The following CLCN2 variants were observed in gnomAD, a reference collection of about 807,000 sequenced individuals.
CLCN2 encodes chloride voltage-gated channel 2.
A neutral mutation model predicts 108.3 loss-of-function variants in CLCN2; 72 were observed. The ratio of observed to expected loss-of-function variants is 0.66; its 90% CI spans 0.55 to 0.81. CLCN2 has a LOEUF of 0.81. Among genes scored for constraint, CLCN2 ranks in the 30% least tolerant of loss-of-function variants. The probability of loss-of-function intolerance (pLI) is 0.00; values close to 1 mark genes in which losing one functional copy is unlikely to be tolerated. For synonymous variants in CLCN2, 471 were observed against 467.1 expected, an observed-to-expected ratio of 1.01 and a Z score of -0.11; for missense variants, 1,048 against 1,205.2, an observed-to-expected ratio of 0.87 and a Z score of 1.93.
rs1711561211 is a variant in CLCN2, at chr3:184,358,410, A to G, written c.353-100T>C. 6.5e-6 allele frequency: 10 copies of G among 1,547,470 alleles called. No individual in the cohort carries two copies. In the South Asian group the frequency reaches 1.1e-4, roughly 17 times the overall value. On this transcript the variant is annotated intron_variant, in intron 3 of 23. Transcript: ENST00000265593. ...GACAGGCTGTCCCAGGGAGTACCAC[A>G]CAGAGTCAGGGCATGGGTGAAGGAA...
chr3:184,346,609 T>A lies in CLCN2; in HGVS notation c.2694A>T (p.Gln898His). 2 of 1,613,994 alleles carry A rather than the reference T, an allele frequency of 1.2e-6. No individual in the cohort carries two copies. Among genetic ancestry groups the A allele is most frequent in the African/African-American group, 1.3e-5 (1 of 75,056 alleles). Reference protein sequence around the residue: ...GSPSDSDDKCQ With the variant: ...GSPSDSDDKCH ...TCCTAGGCCACCCACGAGGGGCTCATTGGCATTTGTCGTCGCTGTCGGAAG... is the reference window on the plus strand; with the variant it reads ...TCCTAGGCCACCCACGAGGGGCTCAATGGCATTTGTCGTCGCTGTCGGAAG... The change falls in exon 24 of 24, where the codon CAA (glutamine) becomes CAT (histidine). Residue 898 changes from glutamine (Q) to histidine (H), a missense_variant. Transcript: ENST00000265593. This position sits in a 1 kb window ranked among gnomAD's most constrained non-coding sequence, Gnocchi z 6.0.
chr3:184,358,062 C>G lies in CLCN2; in HGVS notation c.515G>C (p.Arg172Pro). 6.2e-7 allele frequency: 1 copy of G among 1,614,116 alleles called. No homozygotes were observed. Among genetic ancestry groups the G allele is most frequent in the South Asian group, 1.1e-5 (1 of 91,088 alleles). ...SGIPEMKTIL[R>P]GVVLKEYLTL... is the part of the protein sequence containing the mutation. The stretch of plus-strand genomic sequence containing the variant: ...GAGGTATTCTTTCAGCACCACTCCC[C>G]GCAAGATGGTCTTCATCTCAGGGAT... The change falls in exon 5 of 24, where the codon CGG becomes CCG. Residue 172 changes from arginine to proline, a missense_variant. By Grantham distance (103) the Arg-to-Pro change is moderately radical. Coordinates refer to ENST00000265593, the MANE Select transcript of CLCN2 (RefSeq NM_004366.6).
intron 1 of CLCN2, among the ~76,000 whole-genome samples, chr3:184,360,028 TGA>T (rs1711803667): frequency 7.1e-6 from 1 of 140,858 alleles, no homozygotes; most frequent in African/African-American, 2.7e-5. Context: ...AGAGAGAGGG[TGA>T]GAGATAGGAA....
In CLCN2 at chr3:184,361,356, AG is replaced by A. The variant is rs1240135931; in HGVS notation, c.63+60del. On this transcript the variant is annotated intron_variant, in intron 1 of 23. Coordinates refer to ENST00000265593, the MANE Select transcript of CLCN2 (RefSeq NM_004366.6). The surrounding 1 kb of genome is among the most constrained non-coding windows in gnomAD (Gnocchi z 6.6). ...TAGGCCCCTGGTCCTCGCGCTTCCC[AG>A]GGTAACCTGGAGCAGGGGTCCCGGA... 1 of 1,564,370 alleles carries A rather than the reference AG, an allele frequency of 6.4e-7. No homozygotes were observed. Among genetic ancestry groups the A allele is most frequent in the African/African-American group, 1.4e-5 (1 of 73,920 alleles).
In CLCN2 at chr3:184,354,140, T is replaced by A. The variant is rs1728347153; in HGVS notation, c.1682A>T (p.Lys561Ile). Residue 561 changes from lysine (K) to isoleucine (I), a missense_variant, in exon 15 of 24, where the codon AAA (lysine) becomes ATA (isoleucine). By Grantham distance (102) the Lys-to-Ile change is moderately radical. Transcript: ENST00000265593. ...GCCGAGCTCAGGCAGGTAGGGCAGT[T>A]TCTTGATTCGGATGATGCTGTCATA... ...SLYDSIIRIKKLPYLPELGWG... is the reference protein window; with the variant it reads ...SLYDSIIRIKILPYLPELGWG... The A allele has an allele frequency of 6.2e-7, 1 of 1,612,568 alleles. No individual in the cohort carries two copies.
At chr3:184,352,187 C>G in intron 21 of CLCN2, 70 bp from the exon 22 acceptor site, 2 of 1,593,002 alleles carry the variant, frequency 1.3e-6, no homozygotes, top group Non-Finnish European at 1.7e-6. Context: ...TGAAAGCTGG[C>G]CTGCCCTTTT....
intron 15 of CLCN2, 59 bp downstream of exon 15, chr3:184,354,042 G>A: frequency 6.5e-7 from 1 of 1,545,040 alleles, no homozygotes; most frequent in South Asian, 1.1e-5. Context: ...GGCTGTAGGG[G>A]GATCTAGGAT....
At chr3:184,353,983 AAG>A in intron 15 of CLCN2, 116 bp downstream of exon 15, 5 of 1,352,126 alleles carry the variant, frequency 3.7e-6, no homozygotes, top group Non-Finnish European at 5.2e-6. Flanking sequence ...AGTGTGGACG[AAG>A]GTGGCTCATC....
rs2108552937 is a variant in CLCN2, at chr3:184,346,857, T to G, written c.2503-57A>C. 6.2e-7 allele frequency: 1 copy of G among 1,612,534 alleles called. No individual in the cohort carries two copies. The highest frequency in any genetic ancestry group is 2.2e-5 in the East Asian group (1 of 44,856). On this transcript the variant is annotated intron_variant, in intron 23 of 23. Coordinates refer to ENST00000265593, the MANE Select transcript of CLCN2 (RefSeq NM_004366.6). The surrounding 1 kb of genome is among the most constrained non-coding windows in gnomAD (Gnocchi z 6.0). ...CCAGATGTCAGACTCCTCCCCGCCT[T>G]CCTCCCCAGGTGAGCTGGACATAAG...
chr3:184,349,017 A>AT (rs1442131461), intron 22 of CLCN2: 1 of 152,150 alleles, frequency 6.6e-6, no homozygotes, highest in Non-Finnish European at 1.5e-5. Context: ...TAGAAGGCCC[A>AT]TGAGACCCTT....
Position 184,346,897 on chromosome 3 carries a change from T to TGGAAGTG in CLCN2, c.2502+31_2502+37dup. 6.2e-7 allele frequency: 1 copy of TGGAAGTG among 1,611,622 alleles called. No individual in the cohort carries two copies. Among genetic ancestry groups the TGGAAGTG allele is most frequent in the Non-Finnish European group, 8.5e-7 (1 of 1,177,686 alleles). On this transcript the variant is annotated intron_variant, in intron 23 of 23. Coordinates refer to ENST00000265593, the MANE Select transcript of CLCN2 (RefSeq NM_004366.6). The surrounding 1 kb of genome is among the most constrained non-coding windows in gnomAD (Gnocchi z 6.0). ...CTGGACATAAGCCTCCATGACTTTT[T>TGGAAGTG]GGAAGTGGAGCAGCTTTGGAGGCCA...
rs749821414 is a variant in CLCN2, at chr3:184,358,231, G to A, written c.432C>T (p.Leu144=). 4 of 1,614,070 alleles carry A rather than the reference G, an allele frequency of 2.5e-6. No homozygotes were observed. In the African/African-American group the frequency reaches 4.0e-5, roughly 16 times the overall value. Residue 144 remains leucine (L), a synonymous_variant, in exon 4 of 24, where the codon CTC becomes CTT. Transcript: ENST00000265593. ...GTGTGAATCCGGCTGAGAAAGTGAT[G>A]AGGACAACAGGGTAGGTGACCCAGG... The part of the protein sequence containing the change: ...YLAWVTYPVV[L]ITFSAGFTQI...
intron 3 of CLCN2, 69 bp downstream of exon 3, chr3:184,358,613 T>C (rs952698522): frequency 1.3e-6 from 2 of 1,539,738 alleles, no homozygotes; most frequent in African/African-American, 2.7e-5. Context: ...TTCCTCCATG[T>C]CTAGACGAGT....
chr3:184,352,531 G>A (rs1462043399), intron 19 of CLCN2, 35 bp from the exon 20 acceptor site: 2 of 1,606,830 alleles, frequency 1.2e-6, no homozygotes, highest in African/African-American at 1.3e-5. Flanking sequence ...AGAAAGATGA[G>A]GAGTTGAGGT....
intron 15 of CLCN2, 145 bp downstream of exon 15, chr3:184,353,956 A>T: frequency 2.2e-6 from 3 of 1,338,590 alleles, no homozygotes; most frequent in South Asian, 1.3e-5. Context: ...AGCAGGGGCC[A>T]GCTACAGCCC....
At chr3:184,353,547 A>C in intron 16 of CLCN2, 115 bp downstream of exon 16, 4 of 1,555,270 alleles carry the variant, frequency 2.6e-6, no homozygotes, top group Non-Finnish European at 3.5e-6. Context: ...CCCACCTGGC[A>C]AGTGCTGGTC....
chr3:184,352,569 T>C, intron 19 of CLCN2, 73 bp from the exon 20 acceptor site: 1 of 1,529,612 alleles, frequency 6.5e-7, no homozygotes. Flanking sequence ...TGAGGGGAAG[T>C]GGTGGAGCCC....
rs143751880 is a variant in CLCN2, at chr3:184,357,673, A to G, written c.719T>C (p.Leu240Pro). The stretch of plus-strand genomic sequence containing the variant: ...CACCCCCACGGCACAGGCGGCAGCC[A>G]GCATCTCTGTGTTCCGGGATTCATT... ...YENESRNTEMLAAACAVGVGC... is the reference protein window; with the variant it reads ...YENESRNTEMPAAACAVGVGC... The change falls in exon 7 of 24, where the codon CTG (leucine) becomes CCG (proline). Residue 240 changes from leucine (L) to proline (P), a missense_variant. Coordinates refer to ENST00000265593, the MANE Select transcript of CLCN2 (RefSeq NM_004366.6). 2.6e-4 allele frequency: 416 copies of G among 1,613,968 alleles called. No homozygotes were observed. The highest frequency in any genetic ancestry group is 3.3e-4 in the Non-Finnish European group (394 of 1,180,038).
In CLCN2 at chr3:184,355,757, C is replaced by T; in HGVS notation, c.1107G>A (p.Leu369=). ...TCAGCGTGGAGATGAGCAGGGTCAC[C>T]AGAGCCGGGAAGAGCAGGCGTCTAG... ...LMRKRLLFPA[L]VTLLISTLTF... Residue 369 remains leucine, a synonymous_variant, in exon 11 of 24, where the codon CTG becomes CTA. Transcript: ENST00000265593. The surrounding 1 kb of genome is among the most constrained non-coding windows in gnomAD (Gnocchi z 6.3). The T allele has an allele frequency of 1.2e-6, 2 of 1,614,160 alleles. No individual in the cohort carries two copies. Among genetic ancestry groups the T allele is most frequent in the Non-Finnish European group, 1.7e-6 (2 of 1,180,030 alleles).
Sources: gnomAD v4.1 joint callset for allele counts (sites outside exome capture counted in the v4.1 genomes callset) on GRCh38, gnomAD v4.1.1 for gene constraint, Gnocchi (gnomAD v3.1) non-coding constraint, MANE v1.5 for transcripts, NCBI Gene and HGNC (gene_info 2026-07-23, HGNC 2026-07-21) for gene names.